Variants in RSRC1 observed in about 807,000 individuals in gnomAD.
The protein encoded by RSRC1 is serine/Arginine-related protein 53.
In RSRC1, 39 loss-of-function variants were observed where a neutral mutation model predicts 49.1. That is an observed-to-expected ratio of 0.79 (90% CI 0.61 to 1.04). RSRC1 has a LOEUF of 1.04. RSRC1 is among the 50% of genes least tolerant of loss of function. The probability of loss-of-function intolerance (pLI) is 0.00; values close to 1 mark genes in which losing one functional copy is unlikely to be tolerated. For synonymous variants in RSRC1, 143 were observed against 130.8 expected (o/e 1.09, Z -0.63); for missense variants, 388 against 402.4 (o/e 0.96, Z 0.31).
chr3:158,490,813 T>A (rs1739056428), intron 7 of RSRC1, among the ~76,000 whole-genome samples: 1 of 152,206 alleles, frequency 6.6e-6, no homozygotes, highest in South Asian at 2.1e-4. Flanking sequence ...TCTTGATTAG[T>A]GTTCATATTA....
intron 5 of RSRC1, among the ~76,000 whole-genome samples, chr3:158,328,750 G>A (rs972427499): frequency 5.3e-5 from 8 of 152,018 alleles, no homozygotes; most frequent in African/African-American, 1.2e-4. Context: ...TCTTTGTGGC[G>A]CTCTCTGTAT....
At chr3:158,174,080 T>C (rs1167375045) in intron 3 of RSRC1, among the ~76,000 whole-genome samples, 2 of 151,914 alleles carry the variant, frequency 1.3e-5, no homozygotes, top group African/African-American at 4.8e-5. Context: ...ACATATAAAA[T>C]GGATGAATTT....
chr3:158,394,720 T>A (rs1005385374), intron 6 of RSRC1, among the ~76,000 whole-genome samples: 1 of 152,112 alleles, frequency 6.6e-6, no homozygotes, highest in Non-Finnish European at 1.5e-5. Context: ...CATTCCATGC[T>A]CATGGATAGG....
intron 3 of RSRC1, among the ~76,000 whole-genome samples, chr3:158,143,952 A>G (rs868592070): frequency 2.0e-5 from 3 of 152,148 alleles, no homozygotes; most frequent in African/African-American, 7.2e-5. Flanking sequence ...TGGTGTTGTT[A>G]CACTTTGAAC....
At chr3:158,339,628 A>T (rs903036184) in intron 5 of RSRC1, among the ~76,000 whole-genome samples, 3 of 152,314 alleles carry the variant, frequency 2.0e-5, no homozygotes, top group Admixed American at 6.5e-5. Flanking sequence ...TGATAATTCA[A>T]AAGTAAATTA....
At chr3:158,531,159 GAGA>G (rs1576611600) in intron 7 of RSRC1, among the ~76,000 whole-genome samples, 2 of 151,068 alleles carry the variant, frequency 1.3e-5, no homozygotes, top group South Asian at 2.1e-4. Flanking sequence ...TCTAGCTGGG[GAGA>G]AGAAGCTTTC....
chr3:158,245,559 T>A (rs186794684), intron 4 of RSRC1, among the ~76,000 whole-genome samples: 1 of 152,304 alleles, frequency 6.6e-6, no homozygotes, highest in Admixed American at 6.5e-5. Flanking sequence ...GCTAAGTTAA[T>A]GTCCTGAATA....
intron 3 of RSRC1, among the ~76,000 whole-genome samples, chr3:158,176,455 A>G (rs563861707): frequency 3.3e-5 from 5 of 152,334 alleles, no homozygotes; most frequent in East Asian, 1.9e-4. Context: ...AAACAGAGAT[A>G]TAGATCAATG....
At chr3:158,296,429 T>G (rs938133005) in intron 4 of RSRC1, among the ~76,000 whole-genome samples, 1 of 148,860 alleles carries the variant, frequency 6.7e-6, no homozygotes, top group African/African-American at 2.5e-5. Flanking sequence ...TAATTTTATT[T>G]TGTGTGTGTG....
At chr3:158,212,632 T>A (rs1306184001) in intron 4 of RSRC1, among the ~76,000 whole-genome samples, 1 of 151,930 alleles carries the variant, frequency 6.6e-6, no homozygotes, top group African/African-American at 2.4e-5. Context: ...TTAAACACAC[T>A]ATTTCATTGA....
At chr3:158,235,310 T>C (rs548243900) in intron 4 of RSRC1, among the ~76,000 whole-genome samples, 34 of 152,260 alleles carry the variant, frequency 2.2e-4, no homozygotes, top group Admixed American at 2.2e-3. Flanking sequence ...TTACTTTTGG[T>C]CAGAAATGAT....
At chr3:158,290,680 T>C (rs922798175) in intron 4 of RSRC1, among the ~76,000 whole-genome samples, 19 of 152,194 alleles carry the variant, frequency 1.2e-4, no homozygotes, top group African/African-American at 4.3e-4. Context: ...CATTATTGTT[T>C]GAGATGGAAA....
chr3:158,171,585 A>G (rs974370548), intron 3 of RSRC1, among the ~76,000 whole-genome samples: 2 of 152,188 alleles, frequency 1.3e-5, no homozygotes, highest in Admixed American at 6.6e-5. Context: ...GAAAAATACA[A>G]TATCTAAACA....
chr3:158,397,338 A>T (rs1733666441), intron 6 of RSRC1, among the ~76,000 whole-genome samples: 1 of 152,200 alleles, frequency 6.6e-6, no homozygotes, highest in African/African-American at 2.4e-5. Context: ...AGTATATATT[A>T]GTCTTTGTGA....
intron 3 of RSRC1, among the ~76,000 whole-genome samples, chr3:158,165,168 C>T (rs1364022407): frequency 1.3e-5 from 2 of 152,204 alleles, no homozygotes; most frequent in Admixed American, 6.5e-5. Flanking sequence ...TTAATTAGAA[C>T]CATAACTATT....
At chr3:158,529,339 T>TG (rs1712243913) in intron 7 of RSRC1, among the ~76,000 whole-genome samples, 1 of 151,116 alleles carries the variant, frequency 6.6e-6, no homozygotes, top group Admixed American at 6.6e-5. Flanking sequence ...ATGGATGGAG[T>TG]GGGGAAAAAA....
intron 7 of RSRC1, among the ~76,000 whole-genome samples, chr3:158,498,327 A>AT (rs556007564): frequency 2.7e-5 from 4 of 150,490 alleles, no homozygotes; most frequent in African/African-American, 9.8e-5. Context: ...GATGTTGAGC[A>AT]TTTTTTCATT....
intron 6 of RSRC1, among the ~76,000 whole-genome samples, chr3:158,416,576 AG>A (rs1369728316): frequency 6.6e-6 from 1 of 152,058 alleles, no homozygotes; most frequent in Admixed American, 6.6e-5. Context: ...TCAATGAGCA[AG>A]GCTTCAGAGG....
intron 7 of RSRC1, among the ~76,000 whole-genome samples, chr3:158,530,628 T>TG (rs887745090): frequency 4.0e-5 from 6 of 151,430 alleles, no homozygotes; most frequent in African/African-American, 1.5e-4. Context: ...AGGGAAGATG[T>TG]GGGGGGGAAA....
Sources: allele counts gnomAD v4.1 joint callset (sites outside exome capture counted in the v4.1 genomes callset), GRCh38; gene constraint gnomAD v4.1.1; transcripts MANE v1.5; gene names NCBI Gene and HGNC (gene_info 2026-07-23, HGNC 2026-07-21).